The following NPFFR1 variants were observed in gnomAD, a reference collection of about 807,000 sequenced individuals.
The protein encoded by NPFFR1 is G-protein coupled receptor 147.
Under a neutral mutation model 12.7 loss-of-function variants are expected in NPFFR1, and 17 were observed. That is an observed-to-expected ratio of 1.34 (90% CI 0.92 to 2.01). NPFFR1 has a LOEUF of 2.01. NPFFR1 is among the 30% of genes most tolerant of loss of function. The pLI, the probability that NPFFR1 is intolerant of heterozygous loss-of-function variation, is 0.00. For missense variants in NPFFR1, 604 were observed against 606.5 expected (o/e 1.00, Z 0.04); for synonymous variants, 296 against 264.5 (o/e 1.12, Z -1.16).
rs1401623547 is a variant in NPFFR1 at position 70,249,025 on chromosome 10, C to T, written c.*5932G>A. ...CATCACCTCTTCACAGAGGCCATTC[C>T]TAACCATCTGTTCAAATAGCCCTCC... On this transcript the variant is annotated 3_prime_UTR_variant, in exon 4 of 4. Transcript: ENST00000277942. 6.6e-6 allele frequency: 1 copy of T among 152,192 alleles called. No homozygotes were observed. Among genetic ancestry groups the T allele is most frequent in the East Asian group, 1.9e-4 (1 of 5,194 alleles). 9.4% of individuals were successfully genotyped at this position (152,192 alleles called of 1,614,324 possible). A position where few individuals can be genotyped will look rare whatever the true frequency, so the allele number is the denominator to read the frequency against.
Position 70,255,121 on chromosome 10 carries a change from G to T in NPFFR1, c.1129C>A (p.Arg377=). The T allele has an allele frequency of 1.3e-6, 2 of 1,505,146 alleles. No individual in the cohort carries two copies. The highest frequency in any genetic ancestry group is 1.8e-6 in the Non-Finnish European group (2 of 1,130,250). The allele number at this position is 1,505,146 out of a possible 1,614,324, so 93.2% of individuals were successfully genotyped here. The change falls in exon 4 of 4, where the codon CGG becomes AGG. Residue 377 remains arginine (R), a synonymous_variant. Coordinates refer to ENST00000277942, the MANE Select transcript of NPFFR1 (RefSeq NM_022146.5). The surrounding 1 kb of genome is among the most constrained non-coding windows in gnomAD (Gnocchi z 4.2). The part of the protein sequence containing the change: ...LLHRRVFVVV[R]PSDSGLPSES... Reference sequence around the variant, plus strand: ...GAGGGCAGCCCGGAGTCGCTGGGCCGCACCACCACGAAGACCCGCCTGTGC... The same window carrying T: ...GAGGGCAGCCCGGAGTCGCTGGGCCTCACCACCACGAAGACCCGCCTGTGC...
chr10:70,276,814 T>C (rs1840810076), intron 1 of NPFFR1, among the ~76,000 whole-genome samples: 1 of 152,120 alleles, frequency 6.6e-6, no homozygotes, highest in Non-Finnish European at 1.5e-5. Context: ...CTCAAACTCC[T>C]GACCTCAAGT....
chr10:70,265,265 T>C (rs1840678147), intron 2 of NPFFR1, among the ~76,000 whole-genome samples: 1 of 152,154 alleles, frequency 6.6e-6, no homozygotes, highest in African/African-American at 2.4e-5. Context: ...TGCTGGGAGC[T>C]CTGAGCTCAG....
At position 70,255,755 on chromosome 10, in the gene NPFFR1, G is replaced by C; in HGVS notation, c.495C>G (p.Ile165Met). The change falls in exon 4 of 4, where the codon ATC (isoleucine) becomes ATG (methionine). Residue 165 changes from isoleucine to methionine, a missense_variant. By Grantham distance (10) the Ile-to-Met change is conservative. Coordinates refer to ENST00000277942, the MANE Select transcript of NPFFR1 (RefSeq NM_022146.5). This position sits in a 1 kb window ranked among gnomAD's most constrained non-coding sequence, Gnocchi z 4.2. The part of the protein sequence containing the change: ...LRKALVTIAV[I>M]WALALLIMCP... ...ACATGATGAGCAGCGCCAGGGCCCA[G>C]ATGACGGCGATGGTGACGAGCGCCT... is the stretch of plus-strand genomic sequence containing the variant. 6.2e-7 allele frequency: 1 copy of C among 1,611,778 alleles called. No individual in the cohort carries two copies. Among genetic ancestry groups the C allele is most frequent in the Non-Finnish European group, 8.5e-7 (1 of 1,179,076 alleles).
At chr10:70,272,807 A>G (rs1840763822) in intron 1 of NPFFR1, among the ~76,000 whole-genome samples, 1 of 152,196 alleles carries the variant, frequency 6.6e-6, no homozygotes, top group Non-Finnish European at 1.5e-5. Flanking sequence ...CAGCCATTCC[A>G]GTTCTCACGG....
At chr10:70,262,054 A>G (rs1319800131) in intron 2 of NPFFR1, among the ~76,000 whole-genome samples, 1 of 152,266 alleles carries the variant, frequency 6.6e-6, no homozygotes, top group Non-Finnish European at 1.5e-5. Flanking sequence ...AAGATAAATC[A>G]GAATAATGAG....
chr10:70,273,492 C>T (rs796082055), intron 1 of NPFFR1, among the ~76,000 whole-genome samples: 20 of 152,306 alleles, frequency 1.3e-4, no homozygotes, highest in African/African-American at 4.6e-4. Context: ...ATTGGATCCG[C>T]TCCCAAAAAG....
intron 1 of NPFFR1, chr10:70,277,865 A>G: frequency 2.1e-6 from 1 of 487,642 alleles, no homozygotes; most frequent in Non-Finnish European, 4.1e-6. Flanking sequence ...AATGAGGGTT[A>G]CTGCCCGGCT....
rs1840565753 is a variant in NPFFR1 at position 70,255,842 on chromosome 10, G to A, written c.423-15C>T. ...TGCAGCGGAACCTGCCGCGGGGAGA[G>A]AGACAGGCGGGATCTGGGTGGGTCC... is the stretch of plus-strand genomic sequence containing the variant. On this transcript the variant is annotated splice_polypyrimidine_tract_variant and intron_variant, in intron 3 of 3. Coordinates refer to ENST00000277942, the MANE Select transcript of NPFFR1 (RefSeq NM_022146.5). This position sits in a 1 kb window ranked among gnomAD's most constrained non-coding sequence, Gnocchi z 4.2. 4 of 1,597,014 alleles carry A rather than the reference G, an allele frequency of 2.5e-6. No homozygotes were observed. The African/African-American group carries it at 5.4e-5, about 21-fold the overall frequency.
chr10:70,281,599 A>G (rs1314241702), intron 1 of NPFFR1, among the ~76,000 whole-genome samples: 1 of 152,216 alleles, frequency 6.6e-6, no homozygotes, highest in Non-Finnish European at 1.5e-5. Flanking sequence ...TATATTTCCA[A>G]TAATAAACCT....
chr10:70,281,351 C>T (rs1387876709), intron 1 of NPFFR1, among the ~76,000 whole-genome samples: 2 of 152,190 alleles, frequency 1.3e-5, no homozygotes, highest in Non-Finnish European at 2.9e-5. Flanking sequence ...TCAGAGTGTC[C>T]CCAGCAGGAT....
At chr10:70,278,347 C>G (rs188004302) in intron 1 of NPFFR1, among the ~76,000 whole-genome samples, 56 of 140,958 alleles carry the variant, frequency 4.0e-4, no homozygotes, top group Admixed American at 9.3e-4. Context: ...AAAGCCAGAT[C>G]TCCCCCATCT....
In NPFFR1 at chr10:70,255,012, C is replaced by T. The variant is rs866062722; in HGVS notation, c.1238G>A (p.Arg413Lys). 2 of 1,444,952 alleles carry T rather than the reference C, an allele frequency of 1.4e-6. No individual in the cohort carries two copies. The highest frequency in any genetic ancestry group is 1.8e-6 in the Non-Finnish European group (2 of 1,106,310). The allele number at this position is 1,444,952 out of a possible 1,614,324, so 89.5% of individuals were successfully genotyped here. A position where few individuals can be genotyped will look rare whatever the true frequency, so the allele number is the denominator to read the frequency against. ...NGRVAHHGLP[R>K]EGPGCSHLPL... ...CAGGTGGGAGCAGCCAGGCCCTTCC[C>T]TGGGCAAGCCGTGGTGAGCCACCCG... Residue 413 changes from arginine (R) to lysine (K), a missense_variant, in exon 4 of 4, where the codon AGG becomes AAG. Transcript: ENST00000277942. This position sits in a 1 kb window ranked among gnomAD's most constrained non-coding sequence, Gnocchi z 4.2.
intron 1 of NPFFR1, among the ~76,000 whole-genome samples, chr10:70,269,068 C>T (rs776570948): frequency 7.9e-5 from 12 of 152,192 alleles, no homozygotes; most frequent in Non-Finnish European, 1.8e-4. Flanking sequence ...TGTAGCACTT[C>T]TGCAGGCTGG....
rs1439090272 is a variant in NPFFR1, at chr10:70,255,062, G to A, written c.1188C>T (p.Pro396=). 6 of 1,436,120 alleles carry A rather than the reference G, an allele frequency of 4.2e-6. No homozygotes were observed. The South Asian group carries it at 4.5e-5, about 11-fold the overall frequency. 89.0% of individuals were successfully genotyped at this position (1,436,120 alleles called of 1,614,324 possible). A position where few individuals can be genotyped will look rare whatever the true frequency, so the allele number is the denominator to read the frequency against. ...GCCCATTCCGCAGCGGGAGGCGGCC[G>A]GGCCTGGGGGCCCCACTGCTAGGGC... ...ESGPSSGAPR[P]GRLPLRNGRV... is the part of the protein sequence containing the mutation. The change falls in exon 4 of 4, where the codon CCC becomes CCT. Residue 396 remains proline, a synonymous_variant. Coordinates refer to ENST00000277942, the MANE Select transcript of NPFFR1 (RefSeq NM_022146.5). The surrounding 1 kb of genome is among the most constrained non-coding windows in gnomAD (Gnocchi z 4.2).
Position 70,255,251 on chromosome 10 carries a change from G to T in NPFFR1, c.999C>A (p.Asn333Lys). 6.4e-7 allele frequency: 1 copy of T among 1,565,418 alleles called. No homozygotes were observed. The part of the protein sequence containing the change: ...SANPIIYGYF[N>K]ENFRRGFQAA... Reference sequence around the variant, plus strand: ...CCTGGAAGCCGCGGCGGAAGTTCTCGTTGAAGTAGCCGTAGATGATGGGGT... The same window carrying T: ...CCTGGAAGCCGCGGCGGAAGTTCTCTTTGAAGTAGCCGTAGATGATGGGGT... Residue 333 changes from asparagine to lysine, a missense_variant, in exon 4 of 4, where the codon AAC becomes AAA. Coordinates refer to ENST00000277942, the MANE Select transcript of NPFFR1 (RefSeq NM_022146.5). The surrounding 1 kb of genome is among the most constrained non-coding windows in gnomAD (Gnocchi z 4.2).
Position 70,283,736 on chromosome 10 carries a change from G to T in NPFFR1, c.-60C>A. 1 of 1,526,976 alleles carries T rather than the reference G, an allele frequency of 6.5e-7. No individual in the cohort carries two copies. Among genetic ancestry groups the T allele is most frequent in the Non-Finnish European group, 8.8e-7 (1 of 1,140,164 alleles). The allele number at this position is 1,526,976 out of a possible 1,614,324, so 94.6% of individuals were successfully genotyped here. On this transcript the variant is annotated 5_prime_UTR_variant, in exon 1 of 4. Transcript: ENST00000277942. ...TGGCGGGAGGCAGCGGGCCCCTTCG[G>T]GCCAGCGGGCAGAGGGACGGTCTCC...
At position 70,255,871 on chromosome 10, in the gene NPFFR1, G is replaced by A. The variant is rs1412676268; in HGVS notation, c.423-44C>T. ...CAGGCGGGATCTGGGTGGGTCCTAG[G>A]GCCCCTGCGAGGGGACGGTGGGTGG... On this transcript the variant is annotated intron_variant, in intron 3 of 3. Transcript: ENST00000277942. The surrounding 1 kb of genome is among the most constrained non-coding windows in gnomAD (Gnocchi z 4.2). The A allele has an allele frequency of 6.4e-7, 1 of 1,551,246 alleles. No homozygotes were observed.
chr10:70,277,633 C>T (rs1448717036), intron 1 of NPFFR1, among the ~76,000 whole-genome samples: 1 of 152,230 alleles, frequency 6.6e-6, no homozygotes, highest in East Asian at 1.9e-4. Flanking sequence ...GTGCCCACTT[C>T]CAGCCAGTGC....
Sources: allele counts gnomAD v4.1 joint callset (sites outside exome capture counted in the v4.1 genomes callset), GRCh38; gene constraint gnomAD v4.1.1; non-coding constraint Gnocchi (gnomAD v3.1); transcripts MANE v1.5; gene names NCBI Gene and HGNC (gene_info 2026-07-23, HGNC 2026-07-21).